Variants in DAB1 observed in about 807,000 individuals in gnomAD.
The protein encoded by DAB1 is disabled homolog 1.
DAB1 carries 15 observed loss-of-function variants against 64.6 expected under a neutral mutation model. The ratio of observed to expected loss-of-function variants is 0.23; its 90% CI spans 0.16 to 0.36. The LOEUF (loss-of-function observed/expected upper bound fraction) is 0.36. Among genes scored for constraint, DAB1 ranks in the 10% least tolerant of loss-of-function variants. DAB1 has a pLI of 1.00. For synonymous variants in DAB1, 235 were observed against 251.9 expected (o/e 0.93, Z 0.64); for missense variants, 596 against 706.7 (o/e 0.84, Z 1.78).
chr1:58,348,124 T>G (rs1644019153), intron 3 of DAB1, among the ~76,000 whole-genome samples: 1 of 152,184 alleles, frequency 6.6e-6, no homozygotes, highest in African/African-American at 2.4e-5. Context: ...CTTTTGCCAT[T>G]TTGTGACCAA....
At chr1:57,064,674 A>G (rs1042565303) in intron 8 of DAB1, among the ~76,000 whole-genome samples, 2 of 152,172 alleles carry the variant, frequency 1.3e-5, no homozygotes, top group Admixed American at 6.5e-5. Flanking sequence ...TTTGACTGCT[A>G]TACTATTCAG....
At chr1:58,440,692 A>G (rs1300596168) in intron 3 of DAB1, among the ~76,000 whole-genome samples, 1 of 152,252 alleles carries the variant, frequency 6.6e-6, no homozygotes, top group Non-Finnish European at 1.5e-5. Flanking sequence ...ACTAAGTGGC[A>G]GGCATTGTTC....
intron 4 of DAB1, among the ~76,000 whole-genome samples, chr1:58,202,775 T>C (rs1557694028): frequency 2.0e-5 from 3 of 152,208 alleles, no homozygotes; most frequent in East Asian, 1.9e-4. Context: ...ATATGTGTAA[T>C]TGAGACTCTA....
intron 1 of DAB1, among the ~76,000 whole-genome samples, chr1:57,375,228 T>C (rs1301406570): frequency 2.6e-5 from 4 of 152,158 alleles, no homozygotes; most frequent in Non-Finnish European, 5.9e-5. Context: ...AGCACACTCA[T>C]TGAAAATGAG....
intron 7 of DAB1, among the ~76,000 whole-genome samples, chr1:57,567,441 A>T (rs901451758): frequency 6.6e-6 from 1 of 152,220 alleles, no homozygotes; most frequent in African/African-American, 2.4e-5. Flanking sequence ...ACCAGGCAGG[A>T]GAAAGAAATA....
At position 57,282,562 on chromosome 1, in the gene DAB1, T is replaced by C. The variant is rs144776054; in HGVS notation, c.67+8402A>G. ...AAGTCACCAATTAAACCTGAAACAG[T>C]TTATCTTCAGTGAATGACCACATCG... On this transcript the variant is annotated intron_variant, in intron 2 of 14. Coordinates refer to ENST00000371236, the MANE Select transcript of DAB1 (RefSeq NM_001365792.1). 4.3e-3 allele frequency among the ~76,000 whole-genome samples: 655 copies of C among 152,120 alleles called. 8 individuals carry two copies. The highest frequency in any genetic ancestry group is 2.8e-3 in the Non-Finnish European group (191 of 67,980).
At chr1:57,778,675 C>T (rs1485583264) in intron 6 of DAB1, among the ~76,000 whole-genome samples, 1 of 152,058 alleles carries the variant, frequency 6.6e-6, no homozygotes, top group Non-Finnish European at 1.5e-5. Context: ...CTTCCATTCG[C>T]CATCTGCGAT....
intron 7 of DAB1, among the ~76,000 whole-genome samples, chr1:57,569,001 G>C (rs551328018): frequency 1.3e-5 from 2 of 152,166 alleles, no homozygotes; most frequent in African/African-American, 4.8e-5. Context: ...GCTCACGCCT[G>C]TAATCCCAGC....
chr1:58,402,130 G>C (rs1644574928), intron 3 of DAB1, among the ~76,000 whole-genome samples: 1 of 152,118 alleles, frequency 6.6e-6, no homozygotes, highest in Non-Finnish European at 1.5e-5. Context: ...TATGCTCCTG[G>C]AGTGGACATC....
At chr1:57,393,914 C>T (rs920765740) in intron 1 of DAB1, among the ~76,000 whole-genome samples, 1 of 152,120 alleles carries the variant, frequency 6.6e-6, no homozygotes, top group Non-Finnish European at 1.5e-5. Flanking sequence ...AGATAGATGA[C>T]TGAAGGCTAT....
At chr1:57,983,232 G>A (rs1474176827) in intron 5 of DAB1, among the ~76,000 whole-genome samples, 28 of 152,114 alleles carry the variant, frequency 1.8e-4, no homozygotes, top group Non-Finnish European at 2.9e-5. Context: ...AAGCAGCCTT[G>A]GCCTTCAACA....
At chr1:58,407,943 C>T (rs1262031551) in intron 3 of DAB1, among the ~76,000 whole-genome samples, 1 of 152,166 alleles carries the variant, frequency 6.6e-6, no homozygotes, top group African/African-American at 2.4e-5. Context: ...CTTGCACTGG[C>T]TTCTTGGTCT....
At chr1:57,704,056 G>C (rs1646937877) in intron 6 of DAB1, among the ~76,000 whole-genome samples, 1 of 152,070 alleles carries the variant, frequency 6.6e-6, no homozygotes, top group Non-Finnish European at 1.5e-5. Flanking sequence ...GGTGAGAGGA[G>C]GGAGAGGATC....
chr1:57,419,931 C>A (rs1314007746), intron 1 of DAB1, among the ~76,000 whole-genome samples: 1 of 152,230 alleles, frequency 6.6e-6, no homozygotes. Flanking sequence ...CAGCTAGTAA[C>A]TGAGAAAAGC....
At chr1:57,742,605 C>G (rs17431555) in intron 6 of DAB1, among the ~76,000 whole-genome samples, 6,975 of 152,218 alleles carry the variant, frequency 0.046, 245 homozygotes, top group Non-Finnish European at 0.068. Context: ...CGGGAAATTT[C>G]TGGGCTCTCC....
chr1:58,449,703 A>G (rs1645111326), intron 3 of DAB1, among the ~76,000 whole-genome samples: 1 of 151,766 alleles, frequency 6.6e-6, no homozygotes, highest in Admixed American at 6.6e-5. Context: ...ATGCTTGCCT[A>G]CCCCACGTTG....
chr1:57,816,215 T>C (rs540438121), intron 6 of DAB1, among the ~76,000 whole-genome samples: 1 of 152,250 alleles, frequency 6.6e-6, no homozygotes, highest in Non-Finnish European at 1.5e-5. Context: ...TGCTTTTACC[T>C]GTTTCACTGA....
At chr1:57,831,114 C>T (rs1446039494) in intron 1 of DAB1, among the ~76,000 whole-genome samples, 1 of 151,990 alleles carries the variant, frequency 6.6e-6, no homozygotes, top group Non-Finnish European at 1.5e-5. Context: ...GGGGTTTCAC[C>T]ACGTTAGCCA....
chr1:58,076,268 G>A (rs779415829), intron 5 of DAB1, among the ~76,000 whole-genome samples: 4 of 152,142 alleles, frequency 2.6e-5, no homozygotes, highest in Non-Finnish European at 5.9e-5. Context: ...ATGAGAAAAT[G>A]GAAACATGTA....
Sources: gnomAD v4.1 joint callset for allele counts (sites outside exome capture counted in the v4.1 genomes callset) on GRCh38, gnomAD v4.1.1 for gene constraint, MANE v1.5 for transcripts, NCBI Gene and HGNC (gene_info 2026-07-23, HGNC 2026-07-21) for gene names.